RORB: variants seen among roughly 807,000 people sequenced by gnomAD.
RORB encodes RAR related orphan receptor B.
In RORB, 6 loss-of-function variants were observed where a neutral mutation model predicts 59.1. The ratio of observed to expected loss-of-function variants is 0.10; its 90% CI spans 0.06 to 0.20. The LOEUF (loss-of-function observed/expected upper bound fraction) is 0.20, where lower values mean the gene tolerates loss of function less well. RORB is among the 10% of genes least tolerant of loss of function. The probability of loss-of-function intolerance (pLI) is 1.00; values close to 1 mark genes in which losing one functional copy is unlikely to be tolerated. For missense variants in RORB, 320 were observed against 560.5 expected, an observed-to-expected ratio of 0.57 and a Z score of 4.33; for synonymous variants, 215 against 204.5, an observed-to-expected ratio of 1.05 and a Z score of -0.44.
chr9:74,557,913 T>C (rs1822333474), intron 1 of RORB, among the ~76,000 whole-genome samples: 1 of 152,190 alleles, frequency 6.6e-6, no homozygotes, highest in Non-Finnish European at 1.5e-5. Flanking sequence ...TATTGGTTCA[T>C]GTTGTGTTTT....
chr9:74,556,110 TATAAC>T (rs1279012548), intron 1 of RORB, among the ~76,000 whole-genome samples: 2 of 152,348 alleles, frequency 1.3e-5, no homozygotes, highest in African/African-American at 4.8e-5. Flanking sequence ...TTGATGCTGA[TATAAC>T]ATAATTATTG....
At position 74,579,313 on chromosome 9, in the gene RORB, CATTA is replaced by C. The variant is rs373683353; in HGVS notation, c.8-50962_8-50959del. ...TTAAACACAATTAATTAATTAAACA[CATTA>C]ATTAATGATTTACACATTGCAAAGT... On this transcript the variant is annotated intron_variant, in intron 1 of 9. Transcript: ENST00000376896. Among the ~76,000 whole-genome samples the C allele has an allele frequency of 2.1e-3, 316 of 152,220 alleles. 2 individuals carry two copies. Among genetic ancestry groups the C allele is most frequent in the African/African-American group, 6.9e-3 (285 of 41,556 alleles).
rs575953851 is a variant in RORB at position 74,652,442 on chromosome 9, A to T, written c.638-8175A>T. On this transcript the variant is annotated intron_variant, in intron 4 of 9. Coordinates refer to ENST00000376896, the MANE Select transcript of RORB (RefSeq NM_006914.4). ...AAATGCTATCTTATTTGAGCTTCCTAAAATTTGAGAAAATGTTAATCACTT... is the reference window on the plus strand; with the variant it reads ...AAATGCTATCTTATTTGAGCTTCCTTAAATTTGAGAAAATGTTAATCACTT... Among the ~76,000 whole-genome samples the T allele has an allele frequency of 3.9e-5, 6 of 152,314 alleles. No individual in the cohort carries two copies. The South Asian group carries it at 1.2e-3, about 32-fold the overall frequency.
At chr9:74,524,231 C>T (rs1314564407) in intron 1 of RORB, among the ~76,000 whole-genome samples, 1 of 151,530 alleles carries the variant, frequency 6.6e-6, no homozygotes, top group Non-Finnish European at 1.5e-5. Flanking sequence ...GAAGAGAAGA[C>T]TGTGGAAAGG....
chr9:74,535,551 C>A (rs1826310503), intron 1 of RORB, among the ~76,000 whole-genome samples: 1 of 149,690 alleles, frequency 6.7e-6, no homozygotes, highest in Admixed American at 6.7e-5. Flanking sequence ...CCCCCACCCA[C>A]ACACACACAC....
chr9:74,518,988 G>A (rs1485581701), intron 1 of RORB, among the ~76,000 whole-genome samples: 1 of 151,924 alleles, frequency 6.6e-6, no homozygotes, highest in East Asian at 1.9e-4. Context: ...GGTAAGGGTC[G>A]TGTATATCAA....
At chr9:74,610,034 G>A (rs1403370845) in intron 1 of RORB, among the ~76,000 whole-genome samples, 1 of 152,206 alleles carries the variant, frequency 6.6e-6, no homozygotes. Flanking sequence ...CTGTACTTCT[G>A]TACTACTGAA....
chr9:74,673,055 G>A (rs893558158), intron 9 of RORB, among the ~76,000 whole-genome samples: 1 of 152,156 alleles, frequency 6.6e-6, no homozygotes, highest in Admixed American at 6.5e-5. Context: ...TCACTAGCAA[G>A]AACATTTCCA....
At chr9:74,505,620 G>A (rs1439034568) in intron 1 of RORB, among the ~76,000 whole-genome samples, 1 of 152,042 alleles carries the variant, frequency 6.6e-6, no homozygotes, top group African/African-American at 2.4e-5. Context: ...AGTCAGACTA[G>A]CTCTCAAAGG....
intron 1 of RORB, among the ~76,000 whole-genome samples, chr9:74,539,669 A>T (rs1826374337): frequency 1.3e-5 from 2 of 152,166 alleles, no homozygotes; most frequent in Non-Finnish European, 2.9e-5. Flanking sequence ...AATGGCATTT[A>T]TAGATAAATG....
chr9:74,578,494 A>G (rs533681656), intron 1 of RORB, among the ~76,000 whole-genome samples: 1 of 152,132 alleles, frequency 6.6e-6, no homozygotes, highest in Non-Finnish European at 1.5e-5. Context: ...CATGCAATTT[A>G]CCCATGTAAC....
At chr9:74,552,242 A>T (rs913233101) in intron 1 of RORB, among the ~76,000 whole-genome samples, 1 of 152,180 alleles carries the variant, frequency 6.6e-6, no homozygotes, top group African/African-American at 2.4e-5. Context: ...AGTGGAAGTG[A>T]TCAAGTGTTA....
chr9:74,642,802 C>T lies in RORB; in HGVS notation c.624C>T (p.Thr208=). The T allele has an allele frequency of 1.3e-6, 2 of 1,590,392 alleles. No individual in the cohort carries two copies. Among genetic ancestry groups the T allele is most frequent in the East Asian group, 2.3e-5 (1 of 44,404 alleles). ...FNNGQLAPGI[T]MTEIDRIAQN... ...ATGGGCAGTTAGCACCAGGGATAAC[C>T]ATGACTGAAATCGGTAAGTGGAAGT... The change falls in exon 4 of 10, where the codon ACC becomes ACT. Residue 208 remains threonine (T), a synonymous_variant. Coordinates refer to ENST00000376896, the MANE Select transcript of RORB (RefSeq NM_006914.4).
At chr9:74,511,094 G>A (rs763322751) in intron 1 of RORB, among the ~76,000 whole-genome samples, 1 of 152,086 alleles carries the variant, frequency 6.6e-6, no homozygotes, top group Non-Finnish European at 1.5e-5. Context: ...GATGTTTAGG[G>A]AAACCTTAGT....
intron 1 of RORB, among the ~76,000 whole-genome samples, chr9:74,541,279 CAAAAAA>C (rs374556016): frequency 0.011 from 466 of 43,530 alleles, 5 homozygotes; most frequent in Non-Finnish European, 0.012. Flanking sequence ...GACTCCATCT[CAAAAAA>C]AAAAAAAAAA....
intron 5 of RORB, among the ~76,000 whole-genome samples, chr9:74,661,344 A>C (rs1231989418): frequency 6.6e-6 from 1 of 152,174 alleles, no homozygotes; most frequent in Non-Finnish European, 1.5e-5. Context: ...TACAAAATCC[A>C]CCAGTAGATG....
chr9:74,670,491 C>T (rs975945753), intron 8 of RORB, among the ~76,000 whole-genome samples: 7 of 152,080 alleles, frequency 4.6e-5, no homozygotes, highest in Non-Finnish European at 1.0e-4. Flanking sequence ...AGCTGTTTGG[C>T]CTTTTTCTAG....
At chr9:74,587,748 C>G (rs758012007) in intron 1 of RORB, among the ~76,000 whole-genome samples, 4 of 152,148 alleles carry the variant, frequency 2.6e-5, no homozygotes, top group Admixed American at 6.5e-5. Context: ...CAAAGAGCAA[C>G]AAGTGATGGC....
chr9:74,516,973 G>C (rs933846139), intron 1 of RORB, among the ~76,000 whole-genome samples: 1 of 151,932 alleles, frequency 6.6e-6, no homozygotes, highest in African/African-American at 2.4e-5. Context: ...TCTTTCAGGG[G>C]AGTGTTTTAT....
Sources: gnomAD v4.1 joint callset for allele counts (sites outside exome capture counted in the v4.1 genomes callset) on GRCh38, gnomAD v4.1.1 for gene constraint, MANE v1.5 for transcripts, NCBI Gene and HGNC (gene_info 2026-07-23, HGNC 2026-07-21) for gene names.